SRGAP3: variants seen among roughly 807,000 people sequenced by gnomAD.
SRGAP3 encodes SLIT-ROBO Rho GTPase-activating protein 3.
A neutral mutation model predicts 121.1 loss-of-function variants in SRGAP3; 39 were observed. The observed-to-expected ratio is 0.32, with a 90% CI of 0.25 to 0.42. The LOEUF (loss-of-function observed/expected upper bound fraction) is 0.42. Ranked by LOEUF, SRGAP3 falls within the 10% of genes least tolerant of loss-of-function variation. The pLI is 1.00. For synonymous variants in SRGAP3, 601 were observed against 570.0 expected (o/e 1.05, Z -0.77); for missense variants, 1,213 against 1,470.6 (o/e 0.82, Z 2.86).
chr3:9,096,937 GTATATATATATATATA>G (rs58305278), intron 3 of SRGAP3, among the ~76,000 whole-genome samples: 3,449 of 61,350 alleles, frequency 0.056, 194 homozygotes, highest in African/African-American at 0.15. Flanking sequence ...ACATTATTTT[GTATATATATATATATA>G]TATATATATA....
At chr3:9,058,751 G>A in intron 6 of SRGAP3, 1 of 389,992 alleles carries the variant, frequency 2.6e-6, no homozygotes, top group South Asian at 2.5e-5. Context: ...ACGGAGTCTA[G>A]CTCTGTCACT....
chr3:9,113,762 T>C (rs1330461123), intron 2 of SRGAP3, among the ~76,000 whole-genome samples: 1 of 152,106 alleles, frequency 6.6e-6, no homozygotes. Flanking sequence ...CTGATGGTTT[T>C]ATAAGGGGGT....
Position 9,015,629 on chromosome 3 carries a change from T to C in SRGAP3, c.1781A>G (p.Lys594Arg), listed in dbSNP as rs1943600046. 1.1e-5 allele frequency: 17 copies of C among 1,614,156 alleles called. No homozygotes were observed. Among genetic ancestry groups the C allele is most frequent in the Non-Finnish European group, 1.4e-5 (17 of 1,180,016 alleles). ...FRGLENPLFP[K>R]ERFQDLISTI... ...AGATATCAAATCTTGAAACCTTTCC[T>C]TAGGAAAGAGTGGGTTTTCCAGTCC... is the stretch of plus-strand genomic sequence containing the variant. Residue 594 changes from lysine to arginine, a missense_variant, in exon 15 of 22, where the codon AAG becomes AGG. This residue lies in a region of SRGAP3 where 793 missense variants were observed against 1,032.9 expected (regional missense o/e 0.77). Transcript: ENST00000383836.
intron 1 of SRGAP3, among the ~76,000 whole-genome samples, chr3:9,162,750 T>C (rs927649057): frequency 3.9e-4 from 60 of 152,164 alleles, no homozygotes; most frequent in African/African-American, 1.4e-3. Flanking sequence ...CCTGGGCAAG[T>C]GATTAACCTC....
chr3:9,261,876 TAAAAAAA>T (rs34047232), intron 3 of SRGAP3, among the ~76,000 whole-genome samples: 1 of 120,878 alleles, frequency 8.3e-6, no homozygotes, highest in Non-Finnish European at 1.7e-5. Context: ...CTCATATATT[TAAAAAAA>T]AAAAAAAAAA....
At chr3:9,174,284 T>C (rs1460520474) in intron 1 of SRGAP3, among the ~76,000 whole-genome samples, 1 of 152,244 alleles carries the variant, frequency 6.6e-6, no homozygotes, top group Non-Finnish European at 1.5e-5. Context: ...TGCACAGCAA[T>C]GTGATATATC....
chr3:9,262,534 C>CAAAAAAAAAAAAAAAAAAAAAA lies in SRGAP3; in HGVS notation n.442+63454_442+63475dup, dbSNP rs765408588. ...GAAGATTTACCAAGCAAATGGAAAG[C>CAAAAAAAAAAAAAAAAAAAAAA]AAAAAAAAAAAAAAAAAAAAAAGCA... is the stretch of plus-strand genomic sequence containing the variant. On this transcript the variant is annotated intron_variant and non_coding_transcript_variant, in intron 3 of 3. Coordinates refer to the SRGAP3 transcript ENST00000490889. Among the ~76,000 whole-genome samples the CAAAAAAAAAAAAAAAAAAAAAA allele has an allele frequency of 3.9e-4, 10 of 25,568 alleles. 4 individuals are homozygous for CAAAAAAAAAAAAAAAAAAAAAA. The highest frequency in any genetic ancestry group is 2.4e-3 in the Admixed American group (4 of 1,652). 16.8% of individuals were successfully genotyped at this position (25,568 alleles called of 152,430 possible).
At chr3:9,281,754 C>T (rs1357202184) in intron 3 of SRGAP3, among the ~76,000 whole-genome samples, 1 of 152,106 alleles carries the variant, frequency 6.6e-6, no homozygotes, top group African/African-American at 2.4e-5. Context: ...CTCACTGCAA[C>T]CTCCACCATC....
chr3:9,247,686 C>T (rs2125246215), intron 1 of SRGAP3, among the ~76,000 whole-genome samples: 1 of 152,322 alleles, frequency 6.6e-6, no homozygotes, highest in African/African-American at 2.4e-5. Context: ...ACTTGCTCAA[C>T]AGCCTGTGCA....
At chr3:9,276,358 C>T (rs1000740129) in intron 3 of SRGAP3, among the ~76,000 whole-genome samples, 2 of 152,006 alleles carry the variant, frequency 1.3e-5, no homozygotes, top group East Asian at 3.9e-4. Flanking sequence ...TCTTGCTGGA[C>T]CCTCCTTCAT....
At chr3:9,013,134 A>T (rs1943454041) in intron 17 of SRGAP3, among the ~76,000 whole-genome samples, 174 bp downstream of exon 17, 1 of 152,200 alleles carries the variant, frequency 6.6e-6, no homozygotes, top group African/African-American at 2.4e-5. Context: ...AACCAAGAGA[A>T]TCCTAACTGA....
At chr3:9,068,967 A>C (rs1013136436) in intron 4 of SRGAP3, among the ~76,000 whole-genome samples, 2 of 152,192 alleles carry the variant, frequency 1.3e-5, no homozygotes, top group African/African-American at 4.8e-5. Context: ...TTCTCAAAAA[A>C]ACCCTATGAG....
At chr3:9,209,674 C>T (rs1952380593) in intron 1 of SRGAP3, among the ~76,000 whole-genome samples, 1 of 152,098 alleles carries the variant, frequency 6.6e-6, no homozygotes, top group Non-Finnish European at 1.5e-5. Context: ...GATGTATGTA[C>T]AAAGATGGCT....
intron 18 of SRGAP3, chr3:9,007,626 T>G (rs564490963): frequency 6.6e-6 from 1 of 152,198 alleles, no homozygotes; most frequent in Non-Finnish European, 1.5e-5. Flanking sequence ...CAGAGTCCAT[T>G]GATGTTTCTT....
intron 1 of SRGAP3, among the ~76,000 whole-genome samples, chr3:9,137,841 C>T (rs1313883856): frequency 6.6e-6 from 1 of 152,226 alleles, no homozygotes; most frequent in Non-Finnish European, 1.5e-5. Context: ...GCCTCCACAC[C>T]TTCCAGATGT....
At chr3:9,228,387 A>AC (rs780893197) in intron 1 of SRGAP3, among the ~76,000 whole-genome samples, 6 of 152,226 alleles carry the variant, frequency 3.9e-5, no homozygotes, top group Non-Finnish European at 8.8e-5. Context: ...AAGTAAATGC[A>AC]CCACTGGCCA....
chr3:9,306,396 A>G (rs9825693), intron 3 of SRGAP3, among the ~76,000 whole-genome samples: 79,188 of 151,794 alleles, frequency 0.52, 23,009 homozygotes, highest in South Asian at 0.69. Flanking sequence ...TTCTTTTGCC[A>G]TGCAGAAGCT....
chr3:9,214,382 G>A (rs1253925561), intron 1 of SRGAP3, among the ~76,000 whole-genome samples: 1 of 152,144 alleles, frequency 6.6e-6, no homozygotes, highest in African/African-American at 2.4e-5. Flanking sequence ...AAAGCCCAAG[G>A]AGCTTGCCGA....
At chr3:9,112,570 T>G (rs1174592330) in intron 2 of SRGAP3, among the ~76,000 whole-genome samples, 1 of 152,196 alleles carries the variant, frequency 6.6e-6, no homozygotes, top group Non-Finnish European at 1.5e-5. Context: ...AGAAGGGCTC[T>G]GAAGGAGAAA....
Sources: allele counts gnomAD v4.1 joint callset (sites outside exome capture counted in the v4.1 genomes callset), GRCh38; gene constraint gnomAD v4.1.1; regional missense constraint gnomAD v4.1.1; transcripts MANE v1.5; gene names NCBI Gene and HGNC (gene_info 2026-07-23, HGNC 2026-07-21).